The following SLC16A14 variants were observed in gnomAD, a reference collection of about 807,000 sequenced individuals.
SLC16A14 encodes the protein solute carrier family 16 member 14.
Under a neutral mutation model 35.8 loss-of-function variants are expected in SLC16A14, and 14 were observed. The ratio of observed to expected loss-of-function variants is 0.39; its 90% CI spans 0.26 to 0.61. SLC16A14 has a LOEUF of 0.61. Ranked by LOEUF, SLC16A14 falls within the 20% of genes least tolerant of loss-of-function variation. The probability of loss-of-function intolerance (pLI) is 0.51; values close to 1 mark genes in which losing one functional copy is unlikely to be tolerated. For synonymous variants in SLC16A14, 248 were observed against 258.9 expected, an observed-to-expected ratio of 0.96 and a Z score of 0.40; for missense variants, 533 against 655.0, an observed-to-expected ratio of 0.81 and a Z score of 2.03.
Position 230,059,278 on chromosome 2 carries a change from G to A in SLC16A14, c.75C>T (p.His25=), listed in dbSNP as rs771534485. The A allele has an allele frequency of 6.2e-7, 1 of 1,613,930 alleles. No individual in the cohort carries two copies. The highest frequency in any genetic ancestry group is 8.5e-7 in the Non-Finnish European group (1 of 1,179,826). Residue 25 remains histidine, a synonymous_variant, in exon 2 of 5, where the codon CAC becomes CAT. Transcript: ENST00000295190. ...GPKDKKTLKP[H]PNIDGGWAWM... is the part of the protein sequence containing the mutation. ...AAGCCCATCCGCCATCAATGTTTGG[G>A]TGGGGCTTCAGTGTCTTTTTGTCTT...
In SLC16A14 at chr2:230,036,287, T is replaced by G. The variant is rs2077519317; in HGVS notation, c.*1093A>C. ...ATGAAATCAATCAAGAGAACTATTT[T>G]TAAAACTGTGCCACGCTCAGGCAAA... On this transcript the variant is annotated 3_prime_UTR_variant, in exon 5 of 5. Transcript: ENST00000295190. 1 of 152,366 alleles carries G rather than the reference T, an allele frequency of 6.6e-6. No individual in the cohort carries two copies. The highest frequency in any genetic ancestry group is 2.4e-5 in the African/African-American group (1 of 41,440). The allele number at this position is 152,366 out of a possible 1,614,324, so 9.4% of individuals were successfully genotyped here.
At chr2:230,064,885 C>T (rs1187120701) in intron 1 of SLC16A14, among the ~76,000 whole-genome samples, 1 of 152,094 alleles carries the variant, frequency 6.6e-6, no homozygotes, top group Non-Finnish European at 1.5e-5. Flanking sequence ...TGGCGCATGC[C>T]TGTAATCCCA....
At chr2:230,043,886 C>T (rs1462969906) in intron 4 of SLC16A14, among the ~76,000 whole-genome samples, 1 of 152,222 alleles carries the variant, frequency 6.6e-6, no homozygotes, top group Non-Finnish European at 1.5e-5. Context: ...TTGGTACTCA[C>T]GGCTTCTGCT....
In SLC16A14 at chr2:230,037,389, T is replaced by C; in HGVS notation, c.1524A>G (p.Ala508=). ...EQSRRKYMDG[A]HV ...GGAACATTACATGATACTAAACATG[T>C]GCACCATCCATGTATTTTCTTCTGG... is the stretch of plus-strand genomic sequence containing the variant. The change falls in exon 5 of 5, where the codon GCA becomes GCG. Residue 508 remains alanine (A), a synonymous_variant. Transcript: ENST00000295190. 1 of 1,606,050 alleles carries C rather than the reference T, an allele frequency of 6.2e-7. No individual in the cohort carries two copies. The highest frequency in any genetic ancestry group is 8.5e-7 in the Non-Finnish European group (1 of 1,177,592).
intron 2 of SLC16A14, among the ~76,000 whole-genome samples, chr2:230,054,094 GAAGTTAAAGCTCCCCA>G (rs2077685710): frequency 6.6e-6 from 1 of 151,436 alleles, no homozygotes; most frequent in Admixed American, 6.6e-5. Context: ...GGTGGGGGGG[GAAGTTAAAGCTCCCCA>G]GGTGGATCTG....
intron 2 of SLC16A14, among the ~76,000 whole-genome samples, chr2:230,052,340 A>T (rs190373737): frequency 3.3e-5 from 5 of 152,244 alleles, no homozygotes; most frequent in Non-Finnish European, 7.3e-5. Context: ...TACTGGGGTT[A>T]ACTGAAATTC....
At chr2:230,057,426 T>C (rs867741646) in intron 2 of SLC16A14, among the ~76,000 whole-genome samples, 2 of 152,170 alleles carry the variant, frequency 1.3e-5, no homozygotes, top group Non-Finnish European at 2.9e-5. Flanking sequence ...AGGGAGTGTA[T>C]ATTCAGGAAA....
chr2:230,041,755 T>C (rs1209242379), intron 4 of SLC16A14, among the ~76,000 whole-genome samples: 1 of 152,246 alleles, frequency 6.6e-6, no homozygotes, highest in Non-Finnish European at 1.5e-5. Flanking sequence ...TTCTACATTC[T>C]TGAAACTGTT....
At chr2:230,056,931 T>C (rs1277497071) in intron 2 of SLC16A14, among the ~76,000 whole-genome samples, 2 of 148,410 alleles carry the variant, frequency 1.3e-5, no homozygotes, top group African/African-American at 2.5e-5. Flanking sequence ...GATCAACAAG[T>C]CTCTGAATTG....
In SLC16A14 at chr2:230,046,251, C is replaced by T. The variant is rs779852809; in HGVS notation, c.875G>A (p.Arg292Lys). Reference protein sequence around the residue: ...ILKTVSWLTMRVRKGFEDWYS... With the variant: ...ILKTVSWLTMKVRKGFEDWYS... ...CCAGTCCTCGAAGCCCTTCCTGACTCTCATGGTGAGCCAGCTGACAGTCTT... is the reference window on the plus strand; with the variant it reads ...CCAGTCCTCGAAGCCCTTCCTGACTTTCATGGTGAGCCAGCTGACAGTCTT... The change falls in exon 4 of 5, where the codon AGA (arginine) becomes AAA (lysine). Residue 292 changes from arginine (R) to lysine (K), a missense_variant. Arg to Lys is a conservative substitution (Grantham distance 26). Transcript: ENST00000295190. The surrounding 1 kb of genome is among the most constrained non-coding windows in gnomAD (Gnocchi z 5.0). 23 of 1,614,114 alleles carry T rather than the reference C, an allele frequency of 1.4e-5. No homozygotes were observed. Among genetic ancestry groups the T allele is most frequent in the Non-Finnish European group, 1.8e-5 (21 of 1,180,050 alleles).
chr2:230,061,743 CTT>C (rs61262241), intron 1 of SLC16A14, among the ~76,000 whole-genome samples: 23 of 142,130 alleles, frequency 1.6e-4, no homozygotes, highest in South Asian at 4.5e-4. Flanking sequence ...TGAACAATAT[CTT>C]TTTTTTTTTT....
At chr2:230,049,277 A>T (rs980736446) in intron 3 of SLC16A14, among the ~76,000 whole-genome samples, 1 of 144,838 alleles carries the variant, frequency 6.9e-6, no homozygotes. Context: ...ACGGGGTTTC[A>T]CCATGTTGGC....
At chr2:230,037,578 T>A (rs1486787275) in intron 4 of SLC16A14, 47 bp from the exon 5 acceptor site, 1 of 1,467,616 alleles carries the variant, frequency 6.8e-7, no homozygotes. Context: ...GTTGATACAA[T>A]GAAAGTGAAG....
At chr2:230,067,978 T>A (rs2077815743) in intron 1 of SLC16A14, 1 of 151,418 alleles carries the variant, frequency 6.6e-6, no homozygotes, top group Non-Finnish European at 1.5e-5. Flanking sequence ...CGAGACCACA[T>A]CCCCACTTCG....
At chr2:230,064,941 CAG>C (rs1469081093) in intron 1 of SLC16A14, among the ~76,000 whole-genome samples, 1 of 152,090 alleles carries the variant, frequency 6.6e-6, no homozygotes, top group East Asian at 1.9e-4. Context: ...ACCTGGGAAG[CAG>C]AGGTTGCAGT....
At chr2:230,056,500 C>T (rs190485846) in intron 2 of SLC16A14, among the ~76,000 whole-genome samples, 5 of 152,184 alleles carry the variant, frequency 3.3e-5, no homozygotes, top group Non-Finnish European at 4.4e-5. Flanking sequence ...AGGTGATCCG[C>T]TCGCCTCAGC....
chr2:230,052,807 C>T (rs2077672645), intron 2 of SLC16A14, among the ~76,000 whole-genome samples: 1 of 151,922 alleles, frequency 6.6e-6, no homozygotes, highest in South Asian at 2.1e-4. Flanking sequence ...ATGAGCCAAG[C>T]GAGACCCAGA....
chr2:230,048,563 GCTT>G (rs2077627967), intron 3 of SLC16A14, among the ~76,000 whole-genome samples: 1 of 152,156 alleles, frequency 6.6e-6, no homozygotes, highest in Non-Finnish European at 1.5e-5. Flanking sequence ...CTCTAGATTT[GCTT>G]CTTCGTCTCT....
In SLC16A14 at chr2:230,038,522, A is replaced by G. The variant is rs1025110596; in HGVS notation, c.1382-991T>C. 2.6e-5 allele frequency among the ~76,000 whole-genome samples: 4 copies of G among 152,222 alleles called. No individual in the cohort carries two copies. Among genetic ancestry groups the G allele is most frequent in the African/African-American group, 9.6e-5 (4 of 41,454 alleles). On this transcript the variant is annotated intron_variant, in intron 4 of 4. Transcript: ENST00000295190. This position sits in a 1 kb window ranked among gnomAD's most constrained non-coding sequence, Gnocchi z 4.4. The stretch of plus-strand genomic sequence containing the variant: ...AACTGAGAGGATTGAGTTACACACA[A>G]GAGTTTTATTTATGGTAAAAATGTA...
Sources: allele counts gnomAD v4.1 joint callset (sites outside exome capture counted in the v4.1 genomes callset), GRCh38; gene constraint gnomAD v4.1.1; non-coding constraint Gnocchi (gnomAD v3.1); transcripts MANE v1.5; gene names NCBI Gene and HGNC (gene_info 2026-07-23, HGNC 2026-07-21).